Variants in NAT9 observed in about 807,000 individuals in gnomAD.
NAT9 encodes alpha/beta-tubulin-N-acetyltransferase 9.
In NAT9, 18 loss-of-function variants were observed where a neutral mutation model predicts 24.0. The ratio of observed to expected loss-of-function variants is 0.75; its 90% confidence interval spans 0.52 to 1.11. NAT9 has a LOEUF of 1.11. NAT9 is among the 50% of genes most tolerant of loss of function. NAT9 has a pLI of 0.00. For missense variants in NAT9, 254 were observed against 258.6 expected (o/e 0.98, Z 0.12); for synonymous variants, 104 against 102.3 (o/e 1.02, Z -0.10).
chr17:74,773,664 T>A lies in NAT9; in HGVS notation c.102A>T (p.Ser34=). 6.2e-7 allele frequency: 1 copy of A among 1,614,094 alleles called. No homozygotes were observed. ...VPSRYHEWMK[S]EELQRLTASE... ...AGGCTGTCAAACGCTGCAGCTCCTC[T>A]GATTTCATCCACTCGTGGTACCTGC... is the stretch of plus-strand genomic sequence containing the variant. Residue 34 remains serine (S), a synonymous_variant, in exon 3 of 7, where the codon TCA becomes TCT. Transcript: ENST00000357814.
chr17:74,772,209 C>G lies in NAT9; in HGVS notation c.394+9G>C, dbSNP rs2035309033. ...CCACTTCCCGCATTGTCTGCTCACA[C>G]TTTCTTACCGTAAGACAGCATCGCG... is the stretch of plus-strand genomic sequence containing the variant. On this transcript the variant is annotated intron_variant, in intron 5 of 6. Transcript: ENST00000357814. The G allele has an allele frequency of 6.2e-7, 1 of 1,614,126 alleles. No individual in the cohort carries two copies.
Position 74,771,810 on chromosome 17 carries a change from T to C in NAT9, c.538A>G (p.Ser180Gly). The stretch of plus-strand genomic sequence containing the variant: ...AGAAGCCACTGATGCTCGGACTCAC[T>C]CACTGTCAGTCTGAGGGTCACCTCC... Reference protein sequence around the residue: ...FQEVTLRLTVSESEHQWLLEQ... With the variant: ...FQEVTLRLTVGESEHQWLLEQ... The change falls in exon 7 of 7, where the codon AGT becomes GGT. Residue 180 changes from serine to glycine, a missense_variant. Physicochemically the swap from Ser to Gly is moderately conservative, Grantham distance 56. Coordinates refer to ENST00000357814, the MANE Select transcript of NAT9 (RefSeq NM_015654.5). The C allele has an allele frequency of 1.2e-6, 2 of 1,614,192 alleles. No homozygotes were observed. The highest frequency in any genetic ancestry group is 2.2e-5 in the East Asian group (1 of 44,886).
intron 4 of NAT9, 126 bp from the exon 5 acceptor site, chr17:74,772,403 C>G (rs535119614): frequency 1.4e-6 from 2 of 1,447,072 alleles, no homozygotes; most frequent in Non-Finnish European, 1.8e-6. Context: ...ATTCTGCAGA[C>G]GAGGAAACAG....
chr17:74,771,621 C>T lies in NAT9; in HGVS notation c.*103G>A. The T allele has an allele frequency of 6.5e-7, 1 of 1,526,918 alleles. No individual in the cohort carries two copies. Among genetic ancestry groups the T allele is most frequent in the Non-Finnish European group, 8.8e-7 (1 of 1,134,022 alleles). 94.6% of individuals were successfully genotyped at this position (1,526,918 alleles called of 1,614,324 possible). Reference sequence around the variant, plus strand: ...CTGAAGGGCCTCGAAAGGTGATTCCCAGCCTGGGCCAGGAGCACTCTCCCA... The same window carrying T: ...CTGAAGGGCCTCGAAAGGTGATTCCTAGCCTGGGCCAGGAGCACTCTCCCA... On this transcript the variant is annotated 3_prime_UTR_variant, in exon 7 of 7. Coordinates refer to ENST00000357814, the MANE Select transcript of NAT9 (RefSeq NM_015654.5).
intron 4 of NAT9, 51 bp downstream of exon 4, chr17:74,772,842 TCAG>T (rs2035414882): frequency 1.9e-6 from 3 of 1,608,230 alleles, no homozygotes; most frequent in South Asian, 1.1e-5. Flanking sequence ...GCAGGCTCAG[TCAG>T]CAGATCTGAG....
At position 74,773,615 on chromosome 17, in the gene NAT9, C is replaced by G. The variant is rs762649682; in HGVS notation, c.151G>C (p.Glu51Gln). 2 of 1,614,160 alleles carry G rather than the reference C, an allele frequency of 1.2e-6. No homozygotes were observed. Among genetic ancestry groups the G allele is most frequent in the South Asian group, 1.1e-5 (1 of 91,088 alleles). ...TGCCAGCTGCACTGCATGGCATACT[C>G]CTGCTCCAGGGTCAGCGGCTCCGAG... ...TASEPLTLEQ[E>Q]YAMQCSWQED... The change falls in exon 3 of 7, where the codon GAG becomes CAG. Residue 51 changes from glutamate to glutamine, a missense_variant. By Grantham distance (29) the Glu-to-Gln change is conservative. Transcript: ENST00000357814.
chr17:74,775,458 G>T lies in NAT9; in HGVS notation c.77+164C>A, dbSNP rs904511351. On this transcript the variant is annotated intron_variant, in intron 2 of 6. Coordinates refer to ENST00000357814, the MANE Select transcript of NAT9 (RefSeq NM_015654.5). ...CCTGCCACAGCCTCCCAAAGTCCTG[G>T]AATTACAGGCGTGAGCCACGGCACC... 2.3e-4 allele frequency: 126 copies of T among 555,934 alleles called. No homozygotes were observed. In the Admixed American group the frequency reaches 2.5e-3, roughly 11 times the overall value. The allele number at this position is 555,934 out of a possible 1,614,324, so 34.4% of individuals were successfully genotyped here.
At chr17:74,772,369 T>A in intron 4 of NAT9, 92 bp from the exon 5 acceptor site, 1 of 1,523,852 alleles carries the variant, frequency 6.6e-7, no homozygotes, top group South Asian at 1.2e-5. Context: ...TCTCAACAAC[T>A]CTGAAGTTGC....
At chr17:74,773,893 A>C in intron 2 of NAT9, 1 of 534,688 alleles carries the variant, frequency 1.9e-6, no homozygotes, top group Non-Finnish European at 3.4e-6. Flanking sequence ...AGTCAGTTCT[A>C]TCTGTCCAAT....
intron 4 of NAT9, 147 bp from the exon 5 acceptor site, chr17:74,772,424 G>A (rs2035354744): frequency 2.1e-6 from 3 of 1,422,970 alleles, no homozygotes; most frequent in Non-Finnish European, 2.8e-6. Flanking sequence ...GCACAAAGAA[G>A]TGTGAAAGGC....
chr17:74,775,539 A>G, intron 2 of NAT9, 83 bp downstream of exon 2: 1 of 1,158,228 alleles, frequency 8.6e-7, no homozygotes, highest in Non-Finnish European at 1.2e-6. Context: ...GTTTCTTCTT[A>G]GGGGAAATAG....
At chr17:74,772,556 CAGAAACAGGAGGG>C in intron 4 of NAT9, 3 of 1,396,722 alleles carry the variant, frequency 2.1e-6, no homozygotes, top group Non-Finnish European at 2.8e-6. Context: ...CATGAAGGAG[CAGAAACAGGAGGG>C]CCTCCTCCTG....
intron 4 of NAT9, chr17:74,772,566 AG>A: frequency 7.1e-7 from 1 of 1,404,882 alleles, no homozygotes; most frequent in Non-Finnish European, 9.2e-7. Flanking sequence ...CAGAAACAGG[AG>A]GGCCTCCTCC....
At chr17:74,775,826 A>T in intron 1 of NAT9, 119 bp from the exon 2 acceptor site, 1 of 668,634 alleles carries the variant, frequency 1.5e-6, no homozygotes, top group Non-Finnish European at 2.6e-6. Flanking sequence ...CCGTCTAGAC[A>T]CTTCAAAGAA....
intron 2 of NAT9, among the ~76,000 whole-genome samples, chr17:74,775,191 T>G (rs1038072891): frequency 2.0e-5 from 3 of 150,288 alleles, no homozygotes; most frequent in African/African-American, 7.4e-5. Context: ...TTTTTTGTTT[T>G]TTTTGTTTTT....
At chr17:74,772,779 A>G (rs914406888) in intron 4 of NAT9, 117 bp downstream of exon 4, 2 of 1,473,674 alleles carry the variant, frequency 1.4e-6, no homozygotes, top group East Asian at 2.3e-5. Flanking sequence ...CCCTGGACTC[A>G]CCACATGGAG....
intron 3 of NAT9, 191 bp downstream of exon 3, chr17:74,773,385 G>A (rs2144202648): frequency 3.3e-6 from 2 of 603,524 alleles, no homozygotes; most frequent in Middle Eastern, 4.4e-4. Flanking sequence ...TGCAGTGGGT[G>A]GGGAAGAGGA....
chr17:74,772,977 T>G lies in NAT9; in HGVS notation c.253A>C (p.Ser85Arg). The G allele has an allele frequency of 1.2e-6, 2 of 1,613,884 alleles. No homozygotes were observed. The highest frequency in any genetic ancestry group is 2.2e-5 in the South Asian group (2 of 91,074). ...AGGTTCACATCTCCCACCATGCAGCTCTCTTCGGTGGCGCCTGGCTGGGCC... is the reference window on the plus strand; with the variant it reads ...AGGTTCACATCTCCCACCATGCAGCGCTCTTCGGTGGCGCCTGGCTGGGCC... ...WQAQPGATEESCMVGDVNLFL... is the reference protein window; with the variant it reads ...WQAQPGATEERCMVGDVNLFL... Residue 85 changes from serine (S) to arginine (R), a missense_variant, in exon 4 of 7, where the codon AGC (serine) becomes CGC (arginine). Physicochemically the swap from Ser to Arg is moderately radical, Grantham distance 110. Transcript: ENST00000357814.
chr17:74,774,873 T>A (rs2035795251), intron 2 of NAT9, among the ~76,000 whole-genome samples: 1 of 138,186 alleles, frequency 7.2e-6, no homozygotes, highest in Non-Finnish European at 1.5e-5. Flanking sequence ...ATTTTATTTT[T>A]GAGACAAAGT....
Sources: allele counts gnomAD v4.1 joint callset (sites outside exome capture counted in the v4.1 genomes callset), GRCh38; gene constraint gnomAD v4.1.1; transcripts MANE v1.5; gene names NCBI Gene and HGNC (gene_info 2026-07-23, HGNC 2026-07-21).